The following CHAT variants were observed in gnomAD, a reference collection of about 807,000 sequenced individuals.
CHAT encodes acetyl CoA:choline O-acetyltransferase.
In CHAT, 61 loss-of-function variants were observed where a neutral mutation model predicts 76.9. The observed-to-expected ratio is 0.79, with a 90% CI of 0.65 to 0.98. CHAT has a LOEUF of 0.98. Ranked by LOEUF, CHAT falls within the 50% of genes least tolerant of loss-of-function variation. The probability of loss-of-function intolerance (pLI) is 0.00; values close to 1 mark genes in which losing one functional copy is unlikely to be tolerated. For synonymous variants in CHAT, 407 were observed against 397.4 expected (o/e 1.02, Z -0.29); for missense variants, 946 against 986.9 (o/e 0.96, Z 0.56).
At chr10:49,646,329 G>A (rs994053688) in intron 7 of CHAT, among the ~76,000 whole-genome samples, 176 bp from the exon 8 acceptor site, 1 of 152,230 alleles carries the variant, frequency 6.6e-6, no homozygotes, top group Non-Finnish European at 1.5e-5. Context: ...AGGACACTCT[G>A]GCTGACTTCA....
intron 13 of CHAT, among the ~76,000 whole-genome samples, chr10:49,656,434 A>G (rs1041072482): frequency 6.6e-6 from 1 of 152,134 alleles, no homozygotes; most frequent in African/African-American, 2.4e-5. Flanking sequence ...CGTGAACACC[A>G]ATCCCATGTG....
chr10:49,638,502 T>C (rs891134711), intron 7 of CHAT, among the ~76,000 whole-genome samples: 15 of 152,234 alleles, frequency 9.9e-5, no homozygotes, highest in Non-Finnish European at 2.1e-4. Flanking sequence ...TTTTCAATTA[T>C]TGTTCTCTTT....
chr10:49,663,348 T>C (rs1408234652), intron 14 of CHAT, among the ~76,000 whole-genome samples: 1 of 152,208 alleles, frequency 6.6e-6, no homozygotes. Flanking sequence ...CCCTAACCAT[T>C]ACACCTTACT....
At chr10:49,616,451 G>A (rs1423349734) in intron 1 of CHAT, 51 bp from the exon 2 acceptor site, 4 of 1,414,324 alleles carry the variant, frequency 2.8e-6, no homozygotes, top group African/African-American at 1.4e-5. Flanking sequence ...GAGGGTTTGT[G>A]ACAGGCCTAT....
At chr10:49,610,873 C>G (rs1472244815), upstream of CHAT, 1 of 1,613,278 alleles carries the variant, frequency 6.2e-7, no homozygotes, top group Non-Finnish European at 8.5e-7. Flanking sequence ...GGCGCTGTTA[C>G]TGGACAACAT....
chr10:49,630,055 G>C (rs541508909), intron 7 of CHAT, among the ~76,000 whole-genome samples: 3 of 152,276 alleles, frequency 2.0e-5, no homozygotes, highest in South Asian at 4.2e-4. Context: ...GTGGGTACAG[G>C]ATGGAGAAAT....
At chr10:49,628,856 TGAG>T (rs374438541) in intron 7 of CHAT, among the ~76,000 whole-genome samples, 10 of 152,340 alleles carry the variant, frequency 6.6e-5, no homozygotes, top group African/African-American at 2.4e-4. Context: ...ACCCCCAGGG[TGAG>T]GAGGAGAATA....
upstream of CHAT, chr10:49,610,610 C>T: frequency 1.1e-6 from 1 of 878,372 alleles, no homozygotes; most frequent in Non-Finnish European, 1.6e-6. Flanking sequence ...GCTCCGCGGC[C>T]ACCTGAGGCA....
At position 49,651,860 on chromosome 10, in the gene CHAT, A is replaced by G; in HGVS notation, c.1512-24A>G. Reference sequence around the variant, plus strand: ...GCATACTGTTTTGCATGCAATAAAAACATCTTTTCTTTTTCTTCCTCAGAA... The same window carrying G: ...GCATACTGTTTTGCATGCAATAAAAGCATCTTTTCTTTTTCTTCCTCAGAA... On this transcript the variant is annotated intron_variant, in intron 10 of 14. Transcript: ENST00000337653. 3 of 1,609,698 alleles carry G rather than the reference A, an allele frequency of 1.9e-6. No individual in the cohort carries two copies. The African/African-American group carries it at 4.0e-5, about 21-fold the overall frequency.
At chr10:49,627,461 G>A in intron 6 of CHAT, 147 bp from the exon 7 acceptor site, 2 of 831,746 alleles carry the variant, frequency 2.4e-6, no homozygotes, top group Non-Finnish European at 2.1e-6. Context: ...CCTTGGCTTG[G>A]TCCCTAAACT....
At chr10:49,619,613 C>A in intron 2 of CHAT, 112 bp from the exon 3 acceptor site, 1 of 1,065,966 alleles carries the variant, frequency 9.4e-7, no homozygotes, top group South Asian at 1.3e-5. Flanking sequence ...GGAGGGGTCC[C>A]AGGGTAGAGA....
chr10:49,623,432 T>C (rs981800589), intron 5 of CHAT, among the ~76,000 whole-genome samples: 3 of 152,154 alleles, frequency 2.0e-5, no homozygotes, highest in Non-Finnish European at 4.4e-5. Context: ...TTTTGAACCT[T>C]TAATTAATTA....
chr10:49,614,091 C>A lies in CHAT; in HGVS notation c.-99C>A, dbSNP rs922783433. The A allele has an allele frequency of 6.5e-7, 1 of 1,542,778 alleles. No individual in the cohort carries two copies. The highest frequency in any genetic ancestry group is 1.4e-5 in the African/African-American group (1 of 72,828). On this transcript the variant is annotated 5_prime_UTR_variant, in exon 1 of 15. Transcript: ENST00000337653. Reference sequence around the variant, plus strand: ...GCGGGACAGTGTTCTGTGCCCCCTTCTAGAGCCTAAATTTGTTGCCCGAGT... The same window carrying A: ...GCGGGACAGTGTTCTGTGCCCCCTTATAGAGCCTAAATTTGTTGCCCGAGT...
chr10:49,644,576 G>A (rs1470293151), intron 7 of CHAT, among the ~76,000 whole-genome samples: 1 of 152,184 alleles, frequency 6.6e-6, no homozygotes, highest in Non-Finnish European at 1.5e-5. Context: ...TAGGGACGAG[G>A]AGGGGTTCTG....
chr10:49,655,185 A>C lies in CHAT; in HGVS notation c.1725A>C (p.Pro575=). ...GRVDNIRSAT[P]EALAFVRAVT... ...TGGACAACATCAGATCGGCCACTCC[A>C]GAGGCACTGGCTTTTGTGAGAGCCG... The change falls in exon 12 of 15, where the codon CCA becomes CCC. Residue 575 remains proline (P), a synonymous_variant. Coordinates refer to ENST00000337653, the MANE Select transcript of CHAT (RefSeq NM_020549.5). 6.2e-7 allele frequency: 1 copy of C among 1,614,058 alleles called. No homozygotes were observed. Among genetic ancestry groups the C allele is most frequent in the Non-Finnish European group, 8.5e-7 (1 of 1,180,042 alleles).
At chr10:49,646,782 G>A (rs750499999) in intron 8 of CHAT, 108 bp downstream of exon 8, 414 of 1,280,158 alleles carry the variant, frequency 3.2e-4, no homozygotes, top group Non-Finnish European at 4.2e-4. Flanking sequence ...CTTGTGTCTG[G>A]CAGGCGCACT....
chr10:49,626,483 G>GT (rs1215251793), intron 6 of CHAT, among the ~76,000 whole-genome samples: 3 of 152,186 alleles, frequency 2.0e-5, no homozygotes, highest in Non-Finnish European at 4.4e-5. Flanking sequence ...CACATTTTTA[G>GT]TAAGTTGGGA....
At chr10:49,651,728 T>C (rs1475793488) in intron 10 of CHAT, 156 bp from the exon 11 acceptor site, 1 of 698,098 alleles carries the variant, frequency 1.4e-6, no homozygotes, top group Non-Finnish European at 2.4e-6. Context: ...TCAAGGCATG[T>C]CTCTGACACC....
intron 14 of CHAT, among the ~76,000 whole-genome samples, chr10:49,663,378 C>T (rs893443749): frequency 3.9e-5 from 6 of 152,178 alleles, no homozygotes; most frequent in Non-Finnish European, 5.9e-5. Flanking sequence ...TCTATTGCCG[C>T]GGTTTCCACG....
Sources: gnomAD v4.1 joint callset for allele counts (sites outside exome capture counted in the v4.1 genomes callset) on GRCh38, gnomAD v4.1.1 for gene constraint, MANE v1.5 for transcripts, NCBI Gene and HGNC (gene_info 2026-07-23, HGNC 2026-07-21) for gene names.